Variants in MARCHF1 observed in about 807,000 individuals in gnomAD.
The protein encoded by MARCHF1 is membrane associated ring-CH-type finger 1.
MARCHF1 carries 40 observed loss-of-function variants against 54.2 expected under a neutral mutation model. The observed-to-expected ratio is 0.74, with a 90% CI of 0.57 to 0.96. The LOEUF (loss-of-function observed/expected upper bound fraction) is 0.96, where lower values mean the gene tolerates loss of function less well. Ranked by LOEUF, MARCHF1 falls within the 40% of genes least tolerant of loss-of-function variation. The pLI is 0.00. For missense variants in MARCHF1, 586 were observed against 656.5 expected, an observed-to-expected ratio of 0.89 and a Z score of 1.17; for synonymous variants, 236 against 236.3, an observed-to-expected ratio of 1.00 and a Z score of 0.01.
chr4:163,610,644 C>T (rs1460940304), intron 7 of MARCHF1, among the ~76,000 whole-genome samples: 1 of 151,970 alleles, frequency 6.6e-6, no homozygotes, highest in Non-Finnish European at 1.5e-5. Context: ...TGGTTTAGTC[C>T]ATCCCCTAAC....
chr4:163,746,095 A>G (rs559067169), intron 4 of MARCHF1, among the ~76,000 whole-genome samples: 69 of 152,328 alleles, frequency 4.5e-4, no homozygotes, highest in African/African-American at 1.6e-3. Context: ...GTATAATGAC[A>G]TAGATCCATC....
intron 1 of MARCHF1, among the ~76,000 whole-genome samples, chr4:164,237,848 A>C (rs954499741): frequency 3.9e-5 from 6 of 152,042 alleles, no homozygotes; most frequent in African/African-American, 1.4e-4. Flanking sequence ...ATGCATTCTT[A>C]AAAAGACTGG....
intron 8 of MARCHF1, among the ~76,000 whole-genome samples, chr4:163,561,174 CATG>C (rs1579064277): frequency 2.0e-5 from 3 of 152,232 alleles, no homozygotes; most frequent in East Asian, 1.9e-4. Flanking sequence ...TGGCTACATA[CATG>C]ATATCATATA....
chr4:163,849,532 C>T (rs763216656), intron 4 of MARCHF1, among the ~76,000 whole-genome samples: 4 of 152,264 alleles, frequency 2.6e-5, no homozygotes, highest in South Asian at 2.1e-4. Flanking sequence ...GCTGGCTAAA[C>T]GCTTTCAATT....
At chr4:164,124,456 T>C (rs1756137576) in intron 1 of MARCHF1, among the ~76,000 whole-genome samples, 1 of 152,156 alleles carries the variant, frequency 6.6e-6, no homozygotes. Flanking sequence ...AAAATCAGCA[T>C]GTGGAAGAGA....
intron 1 of MARCHF1, among the ~76,000 whole-genome samples, chr4:164,329,609 GTT>G (rs111233267): frequency 2.4e-4 from 37 of 152,328 alleles, no homozygotes; most frequent in African/African-American, 8.2e-4. Context: ...TTGGCTCACA[GTT>G]TTACAAGCTA....
chr4:163,790,263 G>A, intron 4 of MARCHF1, among the ~76,000 whole-genome samples: 1 of 152,060 alleles, frequency 6.6e-6, no homozygotes, highest in Non-Finnish European at 1.5e-5. Flanking sequence ...TTCCCAAAAA[G>A]TCACGTAAGC....
intron 1 of MARCHF1, among the ~76,000 whole-genome samples, chr4:164,291,058 CAA>C (rs1734272729): frequency 6.6e-6 from 1 of 151,550 alleles, no homozygotes; most frequent in South Asian, 2.1e-4. Flanking sequence ...GTTGAAATTT[CAA>C]AAAAACTTCA....
chr4:163,784,221 G>C (rs1010152858), intron 4 of MARCHF1, among the ~76,000 whole-genome samples: 2 of 151,122 alleles, frequency 1.3e-5, no homozygotes, highest in Admixed American at 1.3e-4. Flanking sequence ...CTCAGGCAAA[G>C]AGAAGCCATT....
At chr4:163,560,495 C>T (rs1482216403) in intron 8 of MARCHF1, among the ~76,000 whole-genome samples, 1 of 152,064 alleles carries the variant, frequency 6.6e-6, no homozygotes, top group Non-Finnish European at 1.5e-5. Flanking sequence ...GTTAACTTGG[C>T]TATTCTAGTT....
In MARCHF1 at chr4:163,697,281, C is replaced by A. The variant is rs528459401; in HGVS notation, c.162+3532G>T. Among the ~76,000 whole-genome samples, 8 of 152,240 alleles carry A rather than the reference C, an allele frequency of 5.3e-5. No homozygotes were observed. In the South Asian group the frequency reaches 1.7e-3, roughly 32 times the overall value. ...GTGCTTAGGATAGCTGTGTTGTTTG[C>A]AGTTCAGGCACAGTGAATCATCCTT... On this transcript the variant is annotated intron_variant, in intron 5 of 9. Transcript: ENST00000514618.
chr4:163,802,803 G>A (rs979607489), intron 4 of MARCHF1, among the ~76,000 whole-genome samples: 3 of 152,180 alleles, frequency 2.0e-5, no homozygotes, highest in Admixed American at 2.0e-4. Flanking sequence ...TGGTGAGAAT[G>A]CTAAGCATAG....
At chr4:164,134,274 G>A (rs1206260820) in intron 1 of MARCHF1, among the ~76,000 whole-genome samples, 1 of 152,178 alleles carries the variant, frequency 6.6e-6, no homozygotes, top group Non-Finnish European at 1.5e-5. Context: ...TTGGTTGCCA[G>A]TGTTTCTACA....
intron 3 of MARCHF1, among the ~76,000 whole-genome samples, chr4:163,979,019 C>CT (rs60452636): frequency 0.026 from 3,291 of 129,038 alleles, 136 homozygotes; most frequent in African/African-American, 0.086. Flanking sequence ...CCCTTTAATT[C>CT]TTTTTTTTTT....
chr4:164,118,910 A>G lies in MARCHF1; in HGVS notation c.-322-7248T>C, dbSNP rs184685523. On this transcript the variant is annotated intron_variant, in intron 1 of 9. Coordinates refer to ENST00000514618, the MANE Select transcript of MARCHF1 (RefSeq NM_001394959.1). ...TATAACACCACAACTACCATTAAAA[A>G]TTACAAACTCAAGTAGATATGAGAA... Among the ~76,000 whole-genome samples the G allele has an allele frequency of 5.0e-3, 763 of 151,216 alleles. 4 individuals are homozygous for G. Among genetic ancestry groups the G allele is most frequent in the Non-Finnish European group, 7.6e-3 (513 of 67,664 alleles).
chr4:163,683,889 GCTCA>G (rs3080980), intron 5 of MARCHF1, among the ~76,000 whole-genome samples: 21,746 of 148,912 alleles, frequency 0.15, 1,986 homozygotes, highest in African/African-American at 0.26. Context: ...TCATGTGGAG[GCTCA>G]CTCACTCACT....
intron 5 of MARCHF1, among the ~76,000 whole-genome samples, chr4:163,627,324 T>C (rs970846739): frequency 2.4e-4 from 37 of 152,228 alleles, no homozygotes; most frequent in African/African-American, 8.4e-4. Context: ...TTTCTTCCAC[T>C]GCTCCTAGTT....
At chr4:163,722,714 G>A (rs971981031) in intron 4 of MARCHF1, among the ~76,000 whole-genome samples, 2 of 152,176 alleles carry the variant, frequency 1.3e-5, no homozygotes, top group African/African-American at 4.8e-5. Flanking sequence ...GGGTGCTCCT[G>A]TATTGGGTGC....
chr4:164,005,194 GAAAAATTAGAT>G (rs1410221459), intron 2 of MARCHF1, among the ~76,000 whole-genome samples: 4 of 151,778 alleles, frequency 2.6e-5, no homozygotes, highest in Non-Finnish European at 5.9e-5. Flanking sequence ...CATTAAAATT[GAAAAATTAGAT>G]AAAATATTTA....
Sources: gnomAD v4.1 joint callset for allele counts (sites outside exome capture counted in the v4.1 genomes callset) on GRCh38, gnomAD v4.1.1 for gene constraint, MANE v1.5 for transcripts, NCBI Gene and HGNC (gene_info 2026-07-23, HGNC 2026-07-21) for gene names.